The following TMOD2 variants were observed in gnomAD, a reference collection of about 807,000 sequenced individuals.
TMOD2 encodes tropomodulin-2.
TMOD2 carries 22 observed loss-of-function variants against 39.9 expected under a neutral mutation model. The observed-to-expected ratio is 0.55, with a 90% CI of 0.39 to 0.79. The LOEUF is 0.79. Among genes scored for constraint, TMOD2 ranks in the 30% least tolerant of loss-of-function variants. TMOD2 has a pLI of 0.00. For missense variants in TMOD2, 386 were observed against 413.3 expected (o/e 0.93, Z 0.57); for synonymous variants, 123 against 146.1 (o/e 0.84, Z 1.14).
intron 1 of TMOD2, among the ~76,000 whole-genome samples, chr15:51,760,567 G>A (rs2055773594): frequency 6.6e-6 from 1 of 152,214 alleles, no homozygotes; most frequent in Non-Finnish European, 1.5e-5. Context: ...CACTTTGGGA[G>A]GCCGAAGTGA....
Position 51,808,985 on chromosome 15 carries a change from A to G in TMOD2, c.*531A>G, listed in dbSNP as rs1034982438. On this transcript the variant is annotated 3_prime_UTR_variant, in exon 10 of 10. Coordinates refer to ENST00000249700, the MANE Select transcript of TMOD2 (RefSeq NM_014548.4). ...ATTCTCTCTTAGTTCCAGAAAAATC[A>G]GTAAATGCACATGCCCTGTTGATTG... 1.3e-5 allele frequency: 2 copies of G among 152,776 alleles called. No homozygotes were observed. Among genetic ancestry groups the G allele is most frequent in the African/African-American group, 4.8e-5 (2 of 41,464 alleles). 9.5% of individuals were successfully genotyped at this position (152,776 alleles called of 1,614,324 possible). A position where few individuals can be genotyped will look rare whatever the true frequency, so the allele number is the denominator to read the frequency against.
intron 5 of TMOD2, 28 bp downstream of exon 5, chr15:51,777,046 G>A: frequency 6.2e-7 from 1 of 1,603,618 alleles, no homozygotes. Flanking sequence ...CTGTGGTTTT[G>A]TAAAGCTTTG....
chr15:51,807,827 G>A (rs2056130523), intron 9 of TMOD2, among the ~76,000 whole-genome samples: 1 of 152,138 alleles, frequency 6.6e-6, no homozygotes, highest in Admixed American at 6.5e-5. Context: ...AGTGAAAGGT[G>A]GAAGAAGAGG....
In TMOD2 at chr15:51,785,240, G is replaced by A. The variant is rs963072193; in HGVS notation, c.732+2412G>A. ...ATCCTGGCTAACAAGGTGAAACCCC[G>A]TCTCTACTAAAAATACAAAAAATTA... On this transcript the variant is annotated intron_variant, in intron 7 of 9. Transcript: ENST00000249700. 2.7e-5 allele frequency among the ~76,000 whole-genome samples: 4 copies of A among 150,848 alleles called. 1 individual carries two copies. Among genetic ancestry groups the A allele is most frequent in the South Asian group, 4.2e-4 (2 of 4,760 alleles).
chr15:51,787,127 T>C, intron 7 of TMOD2, among the ~76,000 whole-genome samples: 1 of 151,430 alleles, frequency 6.6e-6, no homozygotes, highest in East Asian at 1.9e-4. Flanking sequence ...CCTGCCCAAA[T>C]ACCGCGCTTT....
chr15:51,758,709 G>A (rs2055759211), intron 1 of TMOD2, among the ~76,000 whole-genome samples: 2 of 152,336 alleles, frequency 1.3e-5, no homozygotes, highest in South Asian at 4.1e-4. Flanking sequence ...GATTAAAGGG[G>A]TAGCATGGAG....
chr15:51,784,499 TAGCA>T (rs1381595450), intron 7 of TMOD2: 1 of 152,196 alleles, frequency 6.6e-6, no homozygotes, highest in African/African-American at 2.4e-5. Context: ...CTCCAACCTC[TAGCA>T]ATAGAGAATA....
intron 4 of TMOD2, among the ~76,000 whole-genome samples, chr15:51,776,281 G>C (rs2055888674): frequency 6.6e-6 from 1 of 152,188 alleles, no homozygotes; most frequent in South Asian, 2.1e-4. Context: ...AATTTCATTA[G>C]CAAAGGGAAA....
At chr15:51,763,290 G>C (rs1008558530) in intron 1 of TMOD2, among the ~76,000 whole-genome samples, 2 of 152,034 alleles carry the variant, frequency 1.3e-5, no homozygotes, top group African/African-American at 4.8e-5. Context: ...TCAATTTTTG[G>C]CAATTACAAA....
At chr15:51,791,346 A>G (rs1017809987) in intron 7 of TMOD2, among the ~76,000 whole-genome samples, 2 of 152,182 alleles carry the variant, frequency 1.3e-5, no homozygotes, top group Admixed American at 6.6e-5. Flanking sequence ...TCAAGGAAAT[A>G]AGAGAGAGAG....
rs2899479 is a variant in TMOD2, at chr15:51,777,034, A to T, written c.493+16A>T. Reference sequence around the variant, plus strand: ...CCTGTCAGAAGTAAGTTGATGTGCAATCTGTGGTTTTGTAAAGCTTTGGAG... The same window carrying T: ...CCTGTCAGAAGTAAGTTGATGTGCATTCTGTGGTTTTGTAAAGCTTTGGAG... On this transcript the variant is annotated intron_variant, in intron 5 of 9. Coordinates refer to ENST00000249700, the MANE Select transcript of TMOD2 (RefSeq NM_014548.4). 10 of 1,587,824 alleles carry T rather than the reference A, an allele frequency of 6.3e-6. No individual in the cohort carries two copies. The highest frequency in any genetic ancestry group is 5.2e-6 in the Non-Finnish European group (6 of 1,157,562).
chr15:51,804,121 A>G (rs2056107099), intron 8 of TMOD2, among the ~76,000 whole-genome samples: 1 of 152,258 alleles, frequency 6.6e-6, no homozygotes, highest in Non-Finnish European at 1.5e-5. Context: ...GCATACTTGC[A>G]GAAATGCCCC....
Position 51,768,302 on chromosome 15 carries a change from C to T in TMOD2, c.167C>T (p.Thr56Ile), listed in dbSNP as rs891358536. Reference protein sequence around the residue: ...LPAGFRQKDQTQKAATGPFDR... With the variant: ...LPAGFRQKDQIQKAATGPFDR... The stretch of plus-strand genomic sequence containing the variant: ...GCTGGATTTCGACAGAAAGACCAGA[C>T]ACAGAAGGCAGCCACCGGCCCCTTT... Residue 56 changes from threonine to isoleucine, a missense_variant, in exon 3 of 10, where the codon ACA becomes ATA. Transcript: ENST00000249700. 6.2e-7 allele frequency: 1 copy of T among 1,614,168 alleles called. No individual in the cohort carries two copies. Among genetic ancestry groups the T allele is most frequent in the Non-Finnish European group, 8.5e-7 (1 of 1,180,034 alleles).
In TMOD2 at chr15:51,811,933, C is replaced by A. The variant is rs1295137948; in HGVS notation, c.*3479C>A. On this transcript the variant is annotated 3_prime_UTR_variant, in exon 10 of 10. Coordinates refer to ENST00000249700, the MANE Select transcript of TMOD2 (RefSeq NM_014548.4). ...TAGTTGTTCTAGCACCAAATCTATCCATTTGCCTAATGTATTTAACATTCC... is the reference window on the plus strand; with the variant it reads ...TAGTTGTTCTAGCACCAAATCTATCAATTTGCCTAATGTATTTAACATTCC... 6.6e-6 allele frequency: 1 copy of A among 152,198 alleles called. No individual in the cohort carries two copies. Among genetic ancestry groups the A allele is most frequent in the Non-Finnish European group, 1.5e-5 (1 of 68,044 alleles). The allele number at this position is 152,198 out of a possible 1,614,324, so 9.4% of individuals were successfully genotyped here.
chr15:51,801,233 T>TCACACACACACACACACA (rs1334489026), intron 8 of TMOD2, among the ~76,000 whole-genome samples: 14 of 97,080 alleles, frequency 1.4e-4, no homozygotes, highest in African/African-American at 5.9e-4. Context: ...TCTCTCTCTC[T>TCACACACACACACACACA]CTCTCACACA....
intron 8 of TMOD2, among the ~76,000 whole-genome samples, chr15:51,802,150 G>A (rs2141642492): frequency 6.6e-6 from 1 of 150,854 alleles, no homozygotes; most frequent in African/African-American, 2.4e-5. Context: ...TTTTTTATAT[G>A]CCCCCCAATT....
At chr15:51,768,755 G>A (rs1040945583) in intron 3 of TMOD2, among the ~76,000 whole-genome samples, 4 of 152,124 alleles carry the variant, frequency 2.6e-5, no homozygotes, top group African/African-American at 9.7e-5. Context: ...TTTTATTGTC[G>A]TGGAGGGTCA....
intron 1 of TMOD2, among the ~76,000 whole-genome samples, chr15:51,754,369 TG>T (rs1250574910): frequency 1.3e-5 from 2 of 152,206 alleles, no homozygotes; most frequent in African/African-American, 4.8e-5. Flanking sequence ...CTCATTCCCT[TG>T]TGTGTAAATC....
intron 1 of TMOD2, chr15:51,756,213 A>G (rs571754449): frequency 6.6e-6 from 1 of 152,318 alleles, no homozygotes; most frequent in East Asian, 1.9e-4. Flanking sequence ...CCAGGTGGAA[A>G]TCTATCTCAT....
Sources: gnomAD v4.1 joint callset for allele counts (sites outside exome capture counted in the v4.1 genomes callset) on GRCh38, gnomAD v4.1.1 for gene constraint, MANE v1.5 for transcripts, NCBI Gene and HGNC (gene_info 2026-07-23, HGNC 2026-07-21) for gene names.